CANX: variants seen among roughly 807,000 people sequenced by gnomAD.
The protein encoded by CANX is epididymis secretory sperm binding protein.
In CANX, 14 loss-of-function variants were observed where a neutral mutation model predicts 75.7. The ratio of observed to expected loss-of-function variants is 0.19; its 90% CI spans 0.12 to 0.29. The LOEUF (loss-of-function observed/expected upper bound fraction) is 0.29, where lower values mean the gene tolerates loss of function less well. Among genes scored for constraint, CANX ranks in the 10% least tolerant of loss-of-function variants. The probability of loss-of-function intolerance (pLI) is 1.00; values close to 1 mark genes in which losing one functional copy is unlikely to be tolerated. For missense variants in CANX, 567 were observed against 713.2 expected, an observed-to-expected ratio of 0.79 and a Z score of 2.34; for synonymous variants, 227 against 236.9, an observed-to-expected ratio of 0.96 and a Z score of 0.38.
rs921332226 is a variant in CANX, at chr5:179,709,983, C to T, written c.639C>T (p.Ile213=). 7 of 1,612,920 alleles carry T rather than the reference C, an allele frequency of 4.3e-6. No individual in the cohort carries two copies. Among genetic ancestry groups the T allele is most frequent in the Admixed American group, 1.7e-5 (1 of 59,966 alleles). Reference sequence around the variant, plus strand: ...GACACAAAAACCCCAAAACGGGTATCTATGAAGAAAAACATGCTAAGAGGC... The same window carrying T: ...GACACAAAAACCCCAAAACGGGTATTTATGAAGAAAAACATGCTAAGAGGC... ...IFRHKNPKTG[I]YEEKHAKRPD... Residue 213 remains isoleucine (I), a synonymous_variant, in exon 7 of 15, where the codon ATC becomes ATT. Coordinates refer to ENST00000247461, the MANE Select transcript of CANX (RefSeq NM_001746.4).
chr5:179,712,335 G>T (rs1469939404), intron 7 of CANX, among the ~76,000 whole-genome samples: 5 of 151,270 alleles, frequency 3.3e-5, no homozygotes, highest in Non-Finnish European at 5.9e-5. Flanking sequence ...TTGATACAGG[G>T]TTTTTTTTGG....
In CANX at chr5:179,699,009, G is replaced by C; in HGVS notation, c.-97G>C. 8.9e-7 allele frequency: 1 copy of C among 1,122,928 alleles called. No homozygotes were observed. Among genetic ancestry groups the C allele is most frequent in the Non-Finnish European group, 1.1e-6 (1 of 911,384 alleles). The allele number at this position is 1,122,928 out of a possible 1,614,324, so 69.6% of individuals were successfully genotyped here. On this transcript the variant is annotated 5_prime_UTR_variant, in exon 1 of 15. Transcript: ENST00000247461. The stretch of plus-strand genomic sequence containing the variant: ...CTTGGTTCTGCGGCACGTGACGGTC[G>C]GGCCGCCTCCGCCTCTCTCTTTACT...
chr5:179,723,064 G>A, intron 11 of CANX, 45 bp downstream of exon 11: 1 of 1,522,702 alleles, frequency 6.6e-7, no homozygotes, highest in Non-Finnish European at 9.1e-7. Flanking sequence ...ATTGTAAGGA[G>A]CTGTTATTTT....
chr5:179,692,595 A>G (rs932170350), intron 1 of CANX, among the ~76,000 whole-genome samples: 2 of 151,928 alleles, frequency 1.3e-5, no homozygotes, highest in African/African-American at 4.8e-5. Flanking sequence ...TGGCATGATC[A>G]TGGCTCACTG....
Position 179,707,157 on chromosome 5 carries a change from G to C in CANX, c.271G>C (p.Asp91His). ...GTGGATTTTATCCAAAGCCAAGAAA[G>C]ACGATACCGATGATGAAATTGCCAA... The part of the protein sequence containing the change: ...SGWILSKAKK[D>H]DTDDEIAKYD... Residue 91 changes from aspartate (D) to histidine (H), a missense_variant, in exon 4 of 15, where the codon GAC becomes CAC. Physicochemically the swap from Asp to His is moderately conservative, Grantham distance 81. This residue lies in a region of CANX where 351 missense variants were observed against 433.8 expected (regional missense o/e 0.81). Coordinates refer to ENST00000247461, the MANE Select transcript of CANX (RefSeq NM_001746.4). The C allele has an allele frequency of 1.2e-6, 2 of 1,601,774 alleles. No homozygotes were observed. Among genetic ancestry groups the C allele is most frequent in the African/African-American group, 1.3e-5 (1 of 74,798 alleles).
At chr5:179,698,926 C>A, upstream of CANX, 1 of 1,148,146 alleles carries the variant, frequency 8.7e-7, no homozygotes, top group South Asian at 1.7e-5. Context: ...CAGGGGCGGG[C>A]ACAGGGCCGG....
chr5:179,710,083 T>C lies in CANX; in HGVS notation c.721+18T>C, dbSNP rs774895712. On this transcript the variant is annotated intron_variant, in intron 7 of 14. Coordinates refer to ENST00000247461, the MANE Select transcript of CANX (RefSeq NM_001746.4). ...CACACTAAGTAAGAAAAAGCATTAG[T>C]TTGGGGGCTTATGGTATTACATATA... is the stretch of plus-strand genomic sequence containing the variant. The C allele has an allele frequency of 5.6e-6, 8 of 1,418,422 alleles. No homozygotes were observed. Among genetic ancestry groups the C allele is most frequent in the Non-Finnish European group, 7.9e-6 (8 of 1,015,178 alleles). 87.9% of individuals were successfully genotyped at this position (1,418,422 alleles called of 1,614,324 possible).
intron 1 of CANX, among the ~76,000 whole-genome samples, chr5:179,685,266 T>A (rs1250872852): frequency 3.3e-5 from 5 of 152,022 alleles, no homozygotes; most frequent in African/African-American, 4.8e-5. Context: ...ATCTGGCTAA[T>A]TTTTTTGTTT....
chr5:179,695,895 C>T (rs1776391763), upstream of CANX, among the ~76,000 whole-genome samples: 1 of 151,952 alleles, frequency 6.6e-6, no homozygotes, highest in Non-Finnish European at 1.5e-5. Flanking sequence ...GCCTCGGCCT[C>T]CCAAAGTGCT....
intron 1 of CANX, chr5:179,704,130 T>C (rs1195734383): frequency 6.6e-6 from 1 of 152,222 alleles, no homozygotes; most frequent in Non-Finnish European, 1.5e-5. Context: ...TGTGCATCTG[T>C]GTAGCTCAGT....
intron 1 of CANX, chr5:179,678,993 G>T: frequency 6.5e-7 from 1 of 1,535,942 alleles, no homozygotes. Context: ...TTGTGGTCCA[G>T]CAGGTAGAAG....
intron 6 of CANX, 119 bp from the exon 7 acceptor site, chr5:179,709,754 C>T: frequency 1.6e-6 from 1 of 620,054 alleles, no homozygotes; most frequent in Non-Finnish European, 2.7e-6. Context: ...TTAGCTTTTC[C>T]TTTAACTGTC....
At chr5:179,697,863 G>A (rs1046401474), upstream of CANX, among the ~76,000 whole-genome samples, 1 of 152,150 alleles carries the variant, frequency 6.6e-6, no homozygotes, top group African/African-American at 2.4e-5. Context: ...ACTCCAGCCT[G>A]AGCGACAGAG....
chr5:179,691,276 C>T (rs1776294841), intron 1 of CANX, among the ~76,000 whole-genome samples: 1 of 152,094 alleles, frequency 6.6e-6, no homozygotes, highest in Non-Finnish European at 1.5e-5. Flanking sequence ...CCACCCACCT[C>T]AGCCTCCCAA....
In CANX at chr5:179,707,355, C is replaced by A. The variant is rs560399534; in HGVS notation, c.304+165C>A. On this transcript the variant is annotated intron_variant, in intron 4 of 14. Transcript: ENST00000247461. The stretch of plus-strand genomic sequence containing the variant: ...ATCCCAGCACTTTCGGAAGCCAAGG[C>A]GGGCAGATCACGAGGTCAGGAGATC... 2.0e-5 allele frequency among the ~76,000 whole-genome samples: 3 copies of A among 152,240 alleles called. No individual in the cohort carries two copies. The South Asian group carries it at 6.2e-4, about 32-fold the overall frequency.
Position 179,728,583 on chromosome 5 carries a change from A to G in CANX, c.1726-8A>G. 2 of 1,547,198 alleles carry G rather than the reference A, an allele frequency of 1.3e-6. No individual in the cohort carries two copies. The highest frequency in any genetic ancestry group is 1.4e-5 in the African/African-American group (1 of 73,700). ...GCTAATTATAATGAATTTCTTTTCAATCAATAGGAGGATGAAATTTTGAAC... is the reference window on the plus strand; with the variant it reads ...GCTAATTATAATGAATTTCTTTTCAGTCAATAGGAGGATGAAATTTTGAAC... On this transcript the variant is annotated splice_polypyrimidine_tract_variant and splice_region_variant and intron_variant, in intron 14 of 14. Coordinates refer to ENST00000247461, the MANE Select transcript of CANX (RefSeq NM_001746.4).
In CANX at chr5:179,703,139, C is replaced by T. The variant is rs1485345594; in HGVS notation, c.-3-2540C>T. ...TGTTGGCCAGGCTGGTCTCGAATTC[C>T]TGACCTCAGATGATCTGCCTGCCTT... is the stretch of plus-strand genomic sequence containing the variant. On this transcript the variant is annotated intron_variant, in intron 1 of 14. Coordinates refer to ENST00000247461, the MANE Select transcript of CANX (RefSeq NM_001746.4). Among the ~76,000 whole-genome samples the T allele has an allele frequency of 2.0e-5, 3 of 152,090 alleles. No individual in the cohort carries two copies. In the East Asian group the frequency reaches 5.8e-4, roughly 29 times the overall value.
rs534408268 is a variant in CANX, at chr5:179,699,422, CCTGGGCAGCCGCGAGGTGGG to C, written c.-4+325_-4+344del. 2.8e-3 allele frequency among the ~76,000 whole-genome samples: 429 copies of C among 152,256 alleles called. 5 individuals carry two copies. Among genetic ancestry groups the C allele is most frequent in the African/African-American group, 9.9e-3 (411 of 41,558 alleles). On this transcript the variant is annotated intron_variant, in intron 1 of 14. Transcript: ENST00000247461. ...CTTTCTTAGGCCTCTTTGCCGGCTG[CCTGGGCAGCCGCGAGGTGGG>C]CTGGAGTAACTGGGTAAAAGTATAG...
At chr5:179,693,113 T>C (rs372447697) in intron 1 of CANX, among the ~76,000 whole-genome samples, 136 of 117,630 alleles carry the variant, frequency 1.2e-3, no homozygotes, top group African/African-American at 4.3e-3. Flanking sequence ...GCCACTGCAC[T>C]CCAGCCTGGG....
Sources: allele counts gnomAD v4.1 joint callset (sites outside exome capture counted in the v4.1 genomes callset), GRCh38; gene constraint gnomAD v4.1.1; regional missense constraint gnomAD v4.1.1; transcripts MANE v1.5; gene names NCBI Gene and HGNC (gene_info 2026-07-23, HGNC 2026-07-21).